The following ADAM18 variants were observed in gnomAD, a reference collection of about 807,000 sequenced individuals.
ADAM18 encodes disintegrin and metalloproteinase domain-containing protein 18.
In ADAM18, 117 loss-of-function variants were observed where a neutral mutation model predicts 94.4. The ratio of observed to expected loss-of-function variants is 1.24; its 90% CI spans 1.07 to 1.45. ADAM18 has a LOEUF of 1.45. ADAM18 is among the 40% of genes most tolerant of loss of function. The pLI is 0.00. For synonymous variants in ADAM18, 327 were observed against 291.6 expected, an observed-to-expected ratio of 1.12 and a Z score of -1.24; for missense variants, 936 against 880.0, an observed-to-expected ratio of 1.06 and a Z score of -0.81.
chr8:39,713,577 C>T (rs567542987), intron 18 of ADAM18, among the ~76,000 whole-genome samples: 4 of 152,016 alleles, frequency 2.6e-5, no homozygotes, highest in Non-Finnish European at 5.9e-5. Flanking sequence ...CTACAAAGAA[C>T]ACAAACAAAT....
At chr8:39,608,507 C>T (rs778982868) in intron 3 of ADAM18, among the ~76,000 whole-genome samples, 7 of 151,908 alleles carry the variant, frequency 4.6e-5, no homozygotes, top group South Asian at 2.1e-4. Flanking sequence ...CTTGAGGGTC[C>T]TTGCATTTTC....
chr8:39,606,896 TG>T (rs1004884401), intron 3 of ADAM18, among the ~76,000 whole-genome samples: 2 of 152,010 alleles, frequency 1.3e-5, no homozygotes, highest in African/African-American at 4.8e-5. Flanking sequence ...AGGTGCTCAG[TG>T]GGGGAACTTC....
At chr8:39,717,882 A>G in intron 18 of ADAM18, among the ~76,000 whole-genome samples, 1 of 151,660 alleles carries the variant, frequency 6.6e-6, no homozygotes, top group Non-Finnish European at 1.5e-5. Flanking sequence ...GAAAACAAAC[A>G]AAGAACAAAA....
At position 39,609,138 on chromosome 8, in the gene ADAM18, A is replaced by AT. The variant is rs756670792; in HGVS notation, c.267+26dup. On this transcript the variant is annotated intron_variant, in intron 4 of 19. Transcript: ENST00000265707. ...ATTTTATGGTAAAGTAAGATACCTT[A>AT]TTTTTTTTGTTAAAGTGGTTATATT... 208 of 1,474,416 alleles carry AT rather than the reference A, an allele frequency of 1.4e-4. No individual in the cohort carries two copies. The highest frequency in any genetic ancestry group is 1.8e-4 in the Non-Finnish European group (193 of 1,076,436). 91.3% of individuals were successfully genotyped at this position (1,474,416 alleles called of 1,614,324 possible).
rs148293528 is a variant in ADAM18, at chr8:39,608,511, C to T, written c.189-531C>T. Among the ~76,000 whole-genome samples the T allele has an allele frequency of 7.9e-5, 12 of 151,998 alleles. No homozygotes were observed. The East Asian group carries it at 2.3e-3, about 30-fold the overall frequency. ...GCATATTTCTGCTTGAGGGTCCTTGCATTTTCTATTAATTCTTTCTAGAAT... is the reference window on the plus strand; with the variant it reads ...GCATATTTCTGCTTGAGGGTCCTTGTATTTTCTATTAATTCTTTCTAGAAT... On this transcript the variant is annotated intron_variant, in intron 3 of 19. Transcript: ENST00000265707.
At chr8:39,605,204 C>T (rs1819032077) in intron 2 of ADAM18, among the ~76,000 whole-genome samples, 1 of 152,304 alleles carries the variant, frequency 6.6e-6, no homozygotes, top group South Asian at 2.1e-4. Flanking sequence ...TTAGAGACTT[C>T]TCTTGACATT....
intron 11 of ADAM18, 76 bp from the exon 12 acceptor site, chr8:39,648,268 A>C (rs1361275866): frequency 2.5e-6 from 3 of 1,188,474 alleles, no homozygotes; most frequent in Admixed American, 2.8e-5. Context: ...GATTTACATG[A>C]TTATGTATGG....
chr8:39,648,619 C>T (rs1820448849), intron 12 of ADAM18, 92 bp downstream of exon 12: 3 of 1,097,212 alleles, frequency 2.7e-6, no homozygotes, highest in Non-Finnish European at 3.8e-6. Flanking sequence ...ATGATATATG[C>T]AACAATGCCA....
At chr8:39,691,354 ACT>A (rs1554513131) in intron 16 of ADAM18, among the ~76,000 whole-genome samples, 1 of 152,128 alleles carries the variant, frequency 6.6e-6, no homozygotes, top group Non-Finnish European at 1.5e-5. Context: ...AGAAAGGGTA[ACT>A]CTTATACACT....
chr8:39,703,045 T>C (rs1167803775), intron 17 of ADAM18, among the ~76,000 whole-genome samples: 3 of 152,322 alleles, frequency 2.0e-5, no homozygotes, highest in Non-Finnish European at 4.4e-5. Context: ...TTAACGGGAA[T>C]AGCGTTGAAT....
intron 7 of ADAM18, among the ~76,000 whole-genome samples, chr8:39,630,549 A>T (rs1380200433): frequency 6.6e-6 from 1 of 151,918 alleles, no homozygotes; most frequent in South Asian, 2.1e-4. Flanking sequence ...TAAATTGTAG[A>T]TTATACATTC....
chr8:39,699,740 T>C (rs897868799), intron 17 of ADAM18, among the ~76,000 whole-genome samples: 2 of 152,108 alleles, frequency 1.3e-5, no homozygotes, highest in African/African-American at 4.8e-5. Context: ...GATGAGGTTG[T>C]AGAGTAAATA....
intron 17 of ADAM18, among the ~76,000 whole-genome samples, chr8:39,701,902 G>C (rs1269473029): frequency 6.6e-6 from 1 of 152,128 alleles, no homozygotes. Flanking sequence ...TGGGCATTTA[G>C]GTTGATTCCA....
At chr8:39,654,267 C>T (rs1026349690) in intron 12 of ADAM18, among the ~76,000 whole-genome samples, 2 of 150,602 alleles carry the variant, frequency 1.3e-5, no homozygotes, top group African/African-American at 5.0e-5. Context: ...ACGCGATTCT[C>T]CTGCCTCAGC....
chr8:39,592,533 G>A (rs1216180150), intron 2 of ADAM18, among the ~76,000 whole-genome samples: 1 of 152,100 alleles, frequency 6.6e-6, no homozygotes, highest in African/African-American at 2.4e-5. Flanking sequence ...AATCATGTCT[G>A]CTCTAGCAAC....
At chr8:39,645,072 G>T (rs1240577896) in intron 10 of ADAM18, among the ~76,000 whole-genome samples, 1 of 152,030 alleles carries the variant, frequency 6.6e-6, no homozygotes, top group Admixed American at 6.6e-5. Flanking sequence ...ATGTTGTATT[G>T]TATCAGAAAT....
chr8:39,632,174 A>G (rs1371836670), intron 7 of ADAM18, among the ~76,000 whole-genome samples: 2 of 151,612 alleles, frequency 1.3e-5, no homozygotes, highest in Non-Finnish European at 3.0e-5. Context: ...TTTTGCATTT[A>G]TGTATACATG....
intron 6 of ADAM18, 54 bp downstream of exon 6, chr8:39,610,760 T>G: frequency 1.3e-6 from 2 of 1,533,308 alleles, no homozygotes; most frequent in Non-Finnish European, 1.8e-6. Flanking sequence ...CTGTGTAGTT[T>G]TCTTGTAAAT....
At chr8:39,712,034 C>CA (rs1822420247) in intron 18 of ADAM18, among the ~76,000 whole-genome samples, 1 of 136,730 alleles carries the variant, frequency 7.3e-6, no homozygotes, top group African/African-American at 2.8e-5. Context: ...CAGAGAAGGC[C>CA]CCCCCCCGAG....
Sources: gnomAD v4.1 joint callset for allele counts (sites outside exome capture counted in the v4.1 genomes callset) on GRCh38, gnomAD v4.1.1 for gene constraint, MANE v1.5 for transcripts, NCBI Gene and HGNC (gene_info 2026-07-23, HGNC 2026-07-21) for gene names.